The following USP45 variants were observed in gnomAD, a reference collection of about 807,000 sequenced individuals.
The protein encoded by USP45 is ubiquitin specific peptidase 45.
In USP45, 89 loss-of-function variants were observed where a neutral mutation model predicts 95.8. The observed-to-expected ratio is 0.93, with a 90% confidence interval of 0.78 to 1.11. The LOEUF is 1.11. USP45 is among the 50% of genes least tolerant of loss of function. USP45 has a pLI of 0.00. For missense variants in USP45, 898 were observed against 942.5 expected (o/e 0.95, Z 0.62); for synonymous variants, 281 against 316.2 (o/e 0.89, Z 1.18).
intron 5 of USP45, chr6:99,501,642 C>G (rs1490402298): frequency 1.9e-5 from 3 of 159,068 alleles, no homozygotes; most frequent in African/African-American, 7.2e-5. Flanking sequence ...TTGTTTTACT[C>G]TAATACTACA....
chr6:99,453,997 A>G (rs1784470037), intron 13 of USP45, among the ~76,000 whole-genome samples: 1 of 152,182 alleles, frequency 6.6e-6, no homozygotes, highest in African/African-American at 2.4e-5. Context: ...ATAGAACCAA[A>G]AAAGAGCCAG....
chr6:99,492,828 TTAAAA>T (rs756366418), intron 5 of USP45, among the ~76,000 whole-genome samples: 3 of 152,194 alleles, frequency 2.0e-5, no homozygotes, highest in Non-Finnish European at 2.9e-5. Flanking sequence ...AGTGTTTTAC[TTAAAA>T]TAAAAGTGTA....
intron 8 of USP45, chr6:99,482,121 C>G (rs965373996): frequency 6.6e-6 from 1 of 152,138 alleles, no homozygotes; most frequent in African/African-American, 2.4e-5. Context: ...TAATTGTGGA[C>G]TGGACTAGCT....
chr6:99,488,454 TACCGA>T (rs1794485452), intron 6 of USP45, among the ~76,000 whole-genome samples, 159 bp from the exon 7 acceptor site: 6 of 152,232 alleles, frequency 3.9e-5, no homozygotes, highest in Admixed American at 2.0e-4. Context: ...AGGTCACTAT[TACCGA>T]TAGAGCCATG....
At chr6:99,506,601 G>A (rs544858793) in intron 4 of USP45, among the ~76,000 whole-genome samples, 39 of 152,158 alleles carry the variant, frequency 2.6e-4, no homozygotes, top group African/African-American at 9.2e-4. Context: ...GAGCCATCAC[G>A]CCCCACAAAA....
At chr6:99,439,672 G>T (rs1302656221) in intron 16 of USP45, 97 bp downstream of exon 16, 2 of 823,614 alleles carry the variant, frequency 2.4e-6, no homozygotes, top group Non-Finnish European at 3.4e-6. Flanking sequence ...TTTCAGAAGA[G>T]AAGTTATTTT....
At chr6:99,452,287 A>G (rs1415292579) in intron 13 of USP45, among the ~76,000 whole-genome samples, 2 of 152,238 alleles carry the variant, frequency 1.3e-5, no homozygotes, top group South Asian at 2.1e-4. Flanking sequence ...TCATGTGACA[A>G]AGGGCAAATA....
At chr6:99,503,286 G>C (rs555541110) in intron 5 of USP45, among the ~76,000 whole-genome samples, 1 of 151,706 alleles carries the variant, frequency 6.6e-6, no homozygotes, top group Non-Finnish European at 1.5e-5. Flanking sequence ...TTATATAAAC[G>C]TATAACAAGG....
intron 8 of USP45, among the ~76,000 whole-genome samples, chr6:99,479,163 TACACAC>T (rs56121215): frequency 4.2e-5 from 6 of 144,422 alleles, no homozygotes; most frequent in East Asian, 2.0e-4. Flanking sequence ...TATACATATA[TACACAC>T]ACACACACAC....
intron 5 of USP45, among the ~76,000 whole-genome samples, chr6:99,503,432 A>C (rs1797829895): frequency 6.6e-6 from 1 of 151,806 alleles, no homozygotes; most frequent in Non-Finnish European, 1.5e-5. Context: ...CCCAGGTTCA[A>C]GCGATTCTCC....
intron 15 of USP45, among the ~76,000 whole-genome samples, chr6:99,442,099 G>T (rs1304920145): frequency 6.6e-6 from 1 of 152,186 alleles, no homozygotes; most frequent in Non-Finnish European, 1.5e-5. Flanking sequence ...AGAGAAAAAG[G>T]GACCTAGATG....
At chr6:99,498,064 T>G (rs1352974246) in intron 5 of USP45, among the ~76,000 whole-genome samples, 1 of 152,178 alleles carries the variant, frequency 6.6e-6, no homozygotes, top group Non-Finnish European at 1.5e-5. Flanking sequence ...ACAGCACTAT[T>G]TAAACAGGCA....
intron 16 of USP45, among the ~76,000 whole-genome samples, chr6:99,438,130 CTATAAAT>C (rs2128524898): frequency 6.6e-6 from 1 of 152,278 alleles, no homozygotes; most frequent in East Asian, 1.9e-4. Flanking sequence ...ATTAAAATGT[CTATAAAT>C]TGGGGACTGG....
At chr6:99,437,480 C>A in intron 16 of USP45, 81 bp from the exon 17 acceptor site, 1 of 1,328,750 alleles carries the variant, frequency 7.5e-7, no homozygotes, top group South Asian at 1.6e-5. Flanking sequence ...TGTATATCTG[C>A]TTAACATAAG....
In USP45 at chr6:99,439,829, GTTTAC is replaced by G. The variant is rs575661226; in HGVS notation, c.2095_2099del (p.Val699GlnfsTer20). On this transcript the variant is annotated frameshift_variant, in exon 16 of 18. Coordinates refer to ENST00000500704, the MANE Select transcript of USP45 (RefSeq NM_001346022.3). LOFTEE classifies it high-confidence loss of function. The stretch of plus-strand genomic sequence containing the variant: ...GCATAAGTGGAAAATCTACATGTCT[GTTTAC>G]TTTACGAAGACTCAAGCCAGCCTTA... 12 of 1,606,964 alleles carry G rather than the reference GTTTAC, an allele frequency of 7.5e-6. No individual in the cohort carries two copies. Among genetic ancestry groups the G allele is most frequent in the South Asian group, 3.3e-5 (3 of 89,718 alleles).
At chr6:99,517,670 T>G (rs1801193664), upstream of USP45, among the ~76,000 whole-genome samples, 1 of 151,414 alleles carries the variant, frequency 6.6e-6, no homozygotes, top group Non-Finnish European at 1.5e-5. Context: ...CTTGAACTCC[T>G]GACCTCAAGC....
intron 5 of USP45, among the ~76,000 whole-genome samples, chr6:99,502,419 C>T (rs1222660022): frequency 6.6e-6 from 1 of 152,124 alleles, no homozygotes. Flanking sequence ...GGTAGGAACC[C>T]CCAAATTTGT....
intron 1 of USP45, among the ~76,000 whole-genome samples, chr6:99,514,456 T>G (rs532129677): frequency 3.3e-5 from 5 of 152,340 alleles, no homozygotes; most frequent in African/African-American, 9.6e-5. Flanking sequence ...CAGTCCTTTC[T>G]AAGGATAGCA....
chr6:99,469,488 T>A (rs61388308), intron 9 of USP45, among the ~76,000 whole-genome samples: 266 of 2,452 alleles, frequency 0.11, 1 homozygote, highest in African/African-American at 0.24. Context: ...ATATATATAT[T>A]TTTTTTTTTT....
Sources: gnomAD v4.1 joint callset for allele counts (sites outside exome capture counted in the v4.1 genomes callset) on GRCh38, gnomAD v4.1.1 for gene constraint, MANE v1.5 for transcripts, NCBI Gene and HGNC (gene_info 2026-07-23, HGNC 2026-07-21) for gene names.